Variants in WWOX observed in about 807,000 individuals in gnomAD.
WWOX encodes the protein WW domain-containing oxidoreductase.
In WWOX, 69 loss-of-function variants were observed where a neutral mutation model predicts 46.2. The ratio of observed to expected loss-of-function variants is 1.49; its 90% CI spans 1.23 to 1.82. WWOX has a LOEUF of 1.82. WWOX is among the 40% of genes most tolerant of loss of function. WWOX has a pLI of 0.00. For synonymous variants in WWOX, 359 were observed against 202.6 expected (o/e 1.77, Z -6.56); for missense variants, 919 against 542.6 (o/e 1.69, Z -6.89).
intron 8 of WWOX, among the ~76,000 whole-genome samples, chr16:78,518,071 T>G (rs2043276242): frequency 6.6e-6 from 1 of 152,040 alleles, no homozygotes; most frequent in Admixed American, 6.6e-5. Flanking sequence ...AGCTTCAGTT[T>G]CCCCATCTGT....
intron 8 of WWOX, among the ~76,000 whole-genome samples, chr16:78,762,216 G>C (rs1490101207): frequency 6.6e-6 from 1 of 152,172 alleles, no homozygotes; most frequent in East Asian, 1.9e-4. Context: ...CCTCAGCCAA[G>C]AGCATACAGC....
chr16:78,258,883 T>A (rs903583053), intron 5 of WWOX, among the ~76,000 whole-genome samples: 3 of 152,118 alleles, frequency 2.0e-5, no homozygotes, highest in Non-Finnish European at 4.4e-5. Context: ...ATTATCACAC[T>A]CCACAAATCT....
At chr16:79,136,997 A>T (rs1273791998) in intron 8 of WWOX, among the ~76,000 whole-genome samples, 4 of 152,218 alleles carry the variant, frequency 2.6e-5, no homozygotes, top group Non-Finnish European at 5.9e-5. Context: ...GTGGAGGAAA[A>T]GACAACTGAG....
chr16:78,618,887 G>T (rs1053027488), intron 8 of WWOX, among the ~76,000 whole-genome samples: 22 of 151,330 alleles, frequency 1.5e-4, no homozygotes, highest in African/African-American at 5.3e-4. Flanking sequence ...GCCCAGCATG[G>T]ATCTTCTCCA....
chr16:79,037,959 G>C (rs992631067), intron 8 of WWOX, among the ~76,000 whole-genome samples: 10 of 152,002 alleles, frequency 6.6e-5, no homozygotes, highest in Admixed American at 3.9e-4. Context: ...TTCTGGTTCT[G>C]TTCCTCCCCT....
Position 78,138,191 on chromosome 16 carries a change from T to G in WWOX, c.409+23037T>G, listed in dbSNP as rs1463298810. Among the ~76,000 whole-genome samples, 2 of 150,890 alleles carry G rather than the reference T, an allele frequency of 1.3e-5. 1 individual carries two copies. The highest frequency in any genetic ancestry group is 3.0e-5 in the Non-Finnish European group (2 of 67,630). ...ACAACGCCAGTCCCTCTGATAATCC[T>G]GCAAGAGCCAGCCCAGTTTTGCTGA... On this transcript the variant is annotated intron_variant, in intron 4 of 8. Coordinates refer to ENST00000566780, the MANE Select transcript of WWOX (RefSeq NM_016373.4).
intron 8 of WWOX, among the ~76,000 whole-genome samples, chr16:79,023,247 A>G (rs2550710): frequency 1.3e-5 from 2 of 152,190 alleles, no homozygotes; most frequent in East Asian, 1.9e-4. Flanking sequence ...CTGTGTAATA[A>G]AAGAATTACT....
chr16:78,740,172 A>G (rs527893738), intron 8 of WWOX, among the ~76,000 whole-genome samples: 1 of 152,164 alleles, frequency 6.6e-6, no homozygotes, highest in Non-Finnish European at 1.5e-5. Flanking sequence ...TCCATTTCTT[A>G]GAGAGTGAGC....
chr16:78,748,574 A>G (rs2049403455), intron 8 of WWOX, among the ~76,000 whole-genome samples: 2 of 152,204 alleles, frequency 1.3e-5, no homozygotes, highest in Non-Finnish European at 2.9e-5. Context: ...AGCTCTGATT[A>G]CAATACGTCC....
Position 79,012,605 on chromosome 16 carries a change from A to T in WWOX, c.1057-199003A>T, listed in dbSNP as rs2550727. 9.3e-3 allele frequency among the ~76,000 whole-genome samples: 1,420 copies of T among 152,320 alleles called. 19 individuals carry two copies. Among genetic ancestry groups the T allele is most frequent in the African/African-American group, 0.032 (1,311 of 41,566 alleles). On this transcript the variant is annotated intron_variant, in intron 8 of 8. Coordinates refer to ENST00000566780, the MANE Select transcript of WWOX (RefSeq NM_016373.4). Reference sequence around the variant, plus strand: ...CCACATATGGCTGAGGGCTACTCTAATGAGTGGTGCAGCTCCAAGGCAGAG... The same window carrying T: ...CCACATATGGCTGAGGGCTACTCTATTGAGTGGTGCAGCTCCAAGGCAGAG...
rs539075485 is a variant in WWOX, at chr16:79,212,323, C to T, written c.*527C>T. 2.5e-6 allele frequency: 2 copies of T among 785,534 alleles called. No homozygotes were observed. Among genetic ancestry groups the T allele is most frequent in the African/African-American group, 1.7e-5 (1 of 57,288 alleles). The allele number at this position is 785,534 out of a possible 1,614,324, so 48.7% of individuals were successfully genotyped here. Reference sequence around the variant, plus strand: ...CTGCTGGGGAGACAAATCTCAGAACCTTGTCCCAGCCAGTGAGGATGACAG... The same window carrying T: ...CTGCTGGGGAGACAAATCTCAGAACTTTGTCCCAGCCAGTGAGGATGACAG... On this transcript the variant is annotated 3_prime_UTR_variant, in exon 9 of 9. Coordinates refer to ENST00000566780, the MANE Select transcript of WWOX (RefSeq NM_016373.4).
At chr16:78,361,650 C>T (rs755747093) in intron 5 of WWOX, among the ~76,000 whole-genome samples, 20 of 152,044 alleles carry the variant, frequency 1.3e-4, no homozygotes, top group East Asian at 7.7e-4. Flanking sequence ...TCACTCCTGT[C>T]GCCCAGGCTG....
chr16:78,525,119 G>C (rs1240800578), intron 8 of WWOX: 1 of 150,560 alleles, frequency 6.6e-6, no homozygotes, highest in East Asian at 2.0e-4. Flanking sequence ...TCCTGCCTTG[G>C]TCTCTCCAAG....
intron 5 of WWOX, among the ~76,000 whole-genome samples, chr16:78,354,065 A>G (rs1399317622): frequency 6.6e-6 from 1 of 152,166 alleles, no homozygotes; most frequent in Non-Finnish European, 1.5e-5. Flanking sequence ...GCTTGTTTGC[A>G]CCTTTTAATT....
intron 8 of WWOX, among the ~76,000 whole-genome samples, chr16:78,930,626 C>G (rs2045603938): frequency 6.7e-6 from 1 of 149,554 alleles, no homozygotes; most frequent in African/African-American, 2.5e-5. Flanking sequence ...AAACTTCACT[C>G]AGTTTGAAGG....
intron 5 of WWOX, among the ~76,000 whole-genome samples, chr16:78,336,192 G>C (rs2080883958): frequency 6.6e-6 from 1 of 152,000 alleles, no homozygotes; most frequent in African/African-American, 2.4e-5. Context: ...AAAGCCTACA[G>C]GCCAGGCATG....
At chr16:78,329,466 A>C (rs559751577) in intron 5 of WWOX, among the ~76,000 whole-genome samples, 3 of 152,344 alleles carry the variant, frequency 2.0e-5, no homozygotes, top group Non-Finnish European at 2.9e-5. Context: ...AAACAGCAAA[A>C]ATAGTTCTTG....
At chr16:78,456,837 T>C (rs11860146) in intron 8 of WWOX, among the ~76,000 whole-genome samples, 1,698 of 152,366 alleles carry the variant, frequency 0.011, 29 homozygotes, top group African/African-American at 0.039. Flanking sequence ...CATGTTAACA[T>C]GATTTAAAAT....
intron 8 of WWOX, among the ~76,000 whole-genome samples, chr16:78,550,386 A>G (rs2044145596): frequency 6.6e-6 from 1 of 152,344 alleles, no homozygotes; most frequent in Middle Eastern, 3.4e-3. Context: ...GCACATAGAT[A>G]ATCTATAAGC....
Sources: gnomAD v4.1 joint callset for allele counts (sites outside exome capture counted in the v4.1 genomes callset) on GRCh38, gnomAD v4.1.1 for gene constraint, MANE v1.5 for transcripts, NCBI Gene and HGNC (gene_info 2026-07-23, HGNC 2026-07-21) for gene names.